The following IPO11 variants were observed in gnomAD, a reference collection of about 807,000 sequenced individuals.
IPO11 encodes the protein importin 11, also known as importin-11.
Under a neutral mutation model 143.2 loss-of-function variants are expected in IPO11, and 66 were observed. The observed-to-expected ratio is 0.46, with a 90% CI of 0.38 to 0.57. IPO11 has a LOEUF of 0.57. IPO11 is among the 20% of genes least tolerant of loss of function. The pLI is 0.00. For synonymous variants in IPO11, 385 were observed against 377.8 expected (o/e 1.02, Z -0.22); for missense variants, 1,026 against 1,141.0 (o/e 0.90, Z 1.45).
At chr5:62,597,865 G>T (rs1745286514) in intron 28 of IPO11, among the ~76,000 whole-genome samples, 1 of 152,174 alleles carries the variant, frequency 6.6e-6, no homozygotes, top group Admixed American at 6.5e-5. Flanking sequence ...ACTAATGACT[G>T]TAGGTAAGTG....
chr5:62,536,446 T>TTC (rs547323299), intron 22 of IPO11, among the ~76,000 whole-genome samples: 1,706 of 78,952 alleles, frequency 0.022, 27 homozygotes, highest in Admixed American at 0.062. Flanking sequence ...TTCATTCATT[T>TTC]ATTCATTCAT....
chr5:62,561,161 T>C lies in IPO11; in HGVS notation c.2486T>C (p.Ile829Thr), dbSNP rs753081477. 1.9e-6 allele frequency: 3 copies of C among 1,607,038 alleles called. No individual in the cohort carries two copies. The highest frequency in any genetic ancestry group is 2.5e-6 in the Non-Finnish European group (3 of 1,177,010). Residue 829 changes from isoleucine (I) to threonine (T), a missense_variant, in exon 27 of 30, where the codon ATT (isoleucine) becomes ACT (threonine). Ile to Thr is a moderately conservative substitution (Grantham distance 89). Transcript: ENST00000325324. Reference sequence around the variant, plus strand: ...ATGGACCAGCTTTTGGGAAATATGATTGAAATGTGGGTTGATCGAATGGAC... The same window carrying C: ...ATGGACCAGCTTTTGGGAAATATGACTGAAATGTGGGTTGATCGAATGGAC... Reference protein sequence around the residue: ...QEMDQLLGNMIEMWVDRMDNI... With the variant: ...QEMDQLLGNMTEMWVDRMDNI...
At chr5:62,422,590 T>G (rs1412176556) in intron 1 of IPO11, 1 of 152,280 alleles carries the variant, frequency 6.6e-6, no homozygotes, top group East Asian at 1.9e-4. Flanking sequence ...CAATATTGTT[T>G]AGGATAATGT....
At chr5:62,594,786 C>G (rs369052642) in intron 28 of IPO11, among the ~76,000 whole-genome samples, 1 of 152,090 alleles carries the variant, frequency 6.6e-6, no homozygotes, top group Admixed American at 6.6e-5. Context: ...GAGCCCACAA[C>G]CTAGAAGGGG....
chr5:62,570,960 C>A (rs925850591), intron 27 of IPO11, among the ~76,000 whole-genome samples: 4 of 152,074 alleles, frequency 2.6e-5, no homozygotes, highest in South Asian at 2.1e-4. Context: ...GGTATTGGGT[C>A]CAGAGCCTCA....
intron 5 of IPO11, among the ~76,000 whole-genome samples, chr5:62,457,430 T>C (rs1745203029): frequency 6.6e-6 from 1 of 152,050 alleles, no homozygotes; most frequent in Admixed American, 6.6e-5. Flanking sequence ...GCTGTAGTGA[T>C]ATATGATTGT....
At chr5:62,488,915 A>G (rs1007671668) in intron 13 of IPO11, among the ~76,000 whole-genome samples, 2 of 152,156 alleles carry the variant, frequency 1.3e-5, no homozygotes, top group Non-Finnish European at 2.9e-5. Context: ...AGGTTGGAGG[A>G]TCATTTGAGC....
chr5:62,591,327 GAA>G (rs780139656), intron 27 of IPO11, among the ~76,000 whole-genome samples: 8 of 151,872 alleles, frequency 5.3e-5, no homozygotes, highest in Non-Finnish European at 1.2e-4. Flanking sequence ...ATAAATCTAA[GAA>G]TATTAAAATA....
intron 6 of IPO11, among the ~76,000 whole-genome samples, chr5:62,468,986 G>A (rs27448): frequency 0.43 from 65,638 of 151,930 alleles, 14,779 homozygotes; most frequent in South Asian, 0.53. Context: ...CCTTGGCACT[G>A]GGGAGACAGA....
intron 29 of IPO11, among the ~76,000 whole-genome samples, chr5:62,604,185 G>T (rs1485669823): frequency 1.3e-5 from 2 of 152,076 alleles, no homozygotes; most frequent in South Asian, 4.1e-4. Context: ...TTTTTCCTTT[G>T]AAATTAAACT....
At chr5:62,568,885 C>G (rs1410449210) in intron 27 of IPO11, among the ~76,000 whole-genome samples, 1 of 152,138 alleles carries the variant, frequency 6.6e-6, no homozygotes, top group Non-Finnish European at 1.5e-5. Context: ...ACCTGTCTTT[C>G]TTCAGAGGGT....
At position 62,536,784 on chromosome 5, in the gene IPO11, A is replaced by G; in HGVS notation, c.2169+3A>G. On this transcript the variant is annotated splice_donor_region_variant and intron_variant, in intron 23 of 29. Coordinates refer to ENST00000325324, the MANE Select transcript of IPO11 (RefSeq NM_016338.5). ...TATCATCAACAGAATTTTTACAGGT[A>G]TGTTGGAGTACTTTTGCATTATATG... The G allele has an allele frequency of 1.3e-6, 2 of 1,548,176 alleles. No homozygotes were observed. The highest frequency in any genetic ancestry group is 2.5e-5 in the East Asian group (1 of 40,394).
chr5:62,604,957 A>T (rs12516160), intron 29 of IPO11, among the ~76,000 whole-genome samples: 108,488 of 152,156 alleles, frequency 0.71, 39,385 homozygotes, highest in African/African-American at 0.85. Flanking sequence ...AATTACGTCA[A>T]TCTTGAACTG....
At chr5:62,418,349 G>T (rs1743376576) in intron 1 of IPO11, among the ~76,000 whole-genome samples, 1 of 151,994 alleles carries the variant, frequency 6.6e-6, no homozygotes, top group Admixed American at 6.6e-5. Context: ...ATTTTTAGTA[G>T]AGTATGTTGG....
intron 1 of IPO11, among the ~76,000 whole-genome samples, chr5:62,420,476 C>T (rs547229616): frequency 2.6e-5 from 4 of 151,960 alleles, no homozygotes; most frequent in Non-Finnish European, 4.4e-5. Flanking sequence ...TGATTTACTA[C>T]GACTTAGGAT....
At chr5:62,602,193 T>G (rs1003240849) in intron 29 of IPO11, among the ~76,000 whole-genome samples, 4 of 152,152 alleles carry the variant, frequency 2.6e-5, no homozygotes, top group Non-Finnish European at 5.9e-5. Context: ...GCATTCCCTA[T>G]TATTTTATAG....
chr5:62,445,388 G>A (rs1477718732), intron 3 of IPO11, among the ~76,000 whole-genome samples: 7 of 151,996 alleles, frequency 4.6e-5, no homozygotes, highest in Admixed American at 1.3e-4. Context: ...AAGGTGGAAT[G>A]TTAATTATTA....
At chr5:62,492,018 A>G (rs1281322243) in intron 15 of IPO11, among the ~76,000 whole-genome samples, 1 of 152,186 alleles carries the variant, frequency 6.6e-6, no homozygotes, top group East Asian at 1.9e-4. Context: ...TTTCTAATGG[A>G]CAAAGCTGAT....
intron 21 of IPO11, among the ~76,000 whole-genome samples, chr5:62,529,863 A>G (rs143721723): frequency 4.0e-4 from 61 of 151,666 alleles, no homozygotes; most frequent in Admixed American, 9.2e-4. Flanking sequence ...CACTTCTCTG[A>G]TAACCCACCG....
Sources: allele counts gnomAD v4.1 joint callset (sites outside exome capture counted in the v4.1 genomes callset), GRCh38; gene constraint gnomAD v4.1.1; transcripts MANE v1.5; gene names NCBI Gene and HGNC (gene_info 2026-07-23, HGNC 2026-07-21).